The following ETV5 variants were observed in gnomAD, a reference collection of about 807,000 sequenced individuals.
ETV5 encodes ETS variant transcription factor 5.
A neutral mutation model predicts 70.0 loss-of-function variants in ETV5; 10 were observed. That is an observed-to-expected ratio of 0.14 (90% CI 0.09 to 0.24). The LOEUF (loss-of-function observed/expected upper bound fraction) is 0.24, where lower values mean the gene tolerates loss of function less well. ETV5 is among the 10% of genes least tolerant of loss of function. ETV5 has a pLI of 1.00. For missense variants in ETV5, 453 were observed against 651.2 expected (o/e 0.70, Z 3.31); for synonymous variants, 216 against 242.2 (o/e 0.89, Z 1.01).
chr3:186,079,196 G>T, intron 7 of ETV5: 1 of 627,178 alleles, frequency 1.6e-6, no homozygotes. Flanking sequence ...TTTGGAGTGT[G>T]CAGAGAAGGT....
intron 6 of ETV5, 91 bp downstream of exon 6, chr3:186,080,955 G>C: frequency 6.9e-7 from 1 of 1,458,038 alleles, no homozygotes; most frequent in Non-Finnish European, 9.2e-7. Flanking sequence ...GGGTCTGCTG[G>C]GTAAGTAACA....
chr3:186,052,169 T>A lies in ETV5; in HGVS notation c.1210-38A>T, dbSNP rs1193822880. Reference sequence around the variant, plus strand: ...GAAAGTGAAGAGCAATGGAAACGCATTCCCTGGGCCCCATGTTCTCTCCCA... The same window carrying A: ...GAAAGTGAAGAGCAATGGAAACGCAATCCCTGGGCCCCATGTTCTCTCCCA... On this transcript the variant is annotated intron_variant, in intron 11 of 12. Coordinates refer to ENST00000306376, the MANE Select transcript of ETV5 (RefSeq NM_004454.3). This position sits in a 1 kb window ranked among gnomAD's most constrained non-coding sequence, Gnocchi z 4.5. The A allele has an allele frequency of 6.3e-7, 1 of 1,591,396 alleles. No homozygotes were observed. Among genetic ancestry groups the A allele is most frequent in the Non-Finnish European group, 8.6e-7 (1 of 1,160,250 alleles).
chr3:186,065,670 G>T, intron 8 of ETV5, 143 bp downstream of exon 8: 1 of 989,304 alleles, frequency 1.0e-6, no homozygotes, highest in Non-Finnish European at 1.5e-6. Context: ...TAGCTCCTAA[G>T]TTATTTGAGG....
intron 5 of ETV5, chr3:186,095,134 A>C (rs780054174): frequency 6.6e-6 from 1 of 152,180 alleles, no homozygotes; most frequent in Non-Finnish European, 1.5e-5. Context: ...ATAGACAACT[A>C]TTGGTTTTAT....
intron 5 of ETV5, chr3:186,084,187 C>T (rs1379891787): frequency 6.7e-6 from 3 of 447,158 alleles, no homozygotes; most frequent in Non-Finnish European, 1.3e-5. Context: ...AGCTGACTTG[C>T]TAAATGATGA....
intron 7 of ETV5, among the ~76,000 whole-genome samples, chr3:186,071,718 C>T (rs751166897): frequency 6.6e-6 from 1 of 151,722 alleles, no homozygotes; most frequent in South Asian, 2.1e-4. Flanking sequence ...ACTTTGGGAG[C>T]TCGAGGCGGG....
intron 7 of ETV5, among the ~76,000 whole-genome samples, chr3:186,070,202 T>C (rs946682066): frequency 2.0e-5 from 3 of 152,242 alleles, no homozygotes; most frequent in African/African-American, 7.2e-5. Context: ...TTTCTCTCCC[T>C]TTCCCCTCTG....
chr3:186,100,686 CTT>C (rs1714431370), intron 5 of ETV5, among the ~76,000 whole-genome samples: 1 of 152,158 alleles, frequency 6.6e-6, no homozygotes, highest in African/African-American at 2.4e-5. Context: ...GTTCCATTCT[CTT>C]TGAAACACAG....
intron 5 of ETV5, among the ~76,000 whole-genome samples, chr3:186,089,363 A>G (rs1458189057): frequency 2.6e-5 from 4 of 152,262 alleles, no homozygotes; most frequent in Non-Finnish European, 5.9e-5. Flanking sequence ...TATCTCACAC[A>G]GCTAACCTGT....
At position 186,052,598 on chromosome 3, in the gene ETV5, G is replaced by C. The variant is rs535250427; in HGVS notation, c.1210-467C>G. Among the ~76,000 whole-genome samples, 1 of 152,298 alleles carries C rather than the reference G, an allele frequency of 6.6e-6. No homozygotes were observed. Among genetic ancestry groups the C allele is most frequent in the East Asian group, 1.9e-4 (1 of 5,182 alleles). ...AAGTTCAATTCTAATAAGATTGGAG[G>C]GGGGCTGGGAGATGTTTACTTATTG... On this transcript the variant is annotated intron_variant, in intron 11 of 12. Coordinates refer to ENST00000306376, the MANE Select transcript of ETV5 (RefSeq NM_004454.3). The surrounding 1 kb of genome is among the most constrained non-coding windows in gnomAD (Gnocchi z 4.5).
rs181974620 is a variant in ETV5 at position 186,075,479 on chromosome 3, G to A, written c.650+4338C>T. ...AGGAAGAAAAAACAAGAGGAAAAAC[G>A]AGTATATAAAATCTCTTAATTTATC... On this transcript the variant is annotated intron_variant, in intron 7 of 12. Coordinates refer to ENST00000306376, the MANE Select transcript of ETV5 (RefSeq NM_004454.3). Among the ~76,000 whole-genome samples the A allele has an allele frequency of 1.1e-4, 16 of 152,316 alleles. 1 individual carries two copies. In the East Asian group the frequency reaches 3.1e-3, roughly 29 times the overall value.
intron 5 of ETV5, among the ~76,000 whole-genome samples, chr3:186,091,596 G>T (rs370142032): frequency 6.6e-6 from 1 of 152,150 alleles, no homozygotes; most frequent in Admixed American, 6.5e-5. Context: ...CTCCCATGCA[G>T]TGGGAAAAAA....
chr3:186,074,875 A>G (rs1231597007), intron 7 of ETV5, among the ~76,000 whole-genome samples: 1 of 151,502 alleles, frequency 6.6e-6, no homozygotes, highest in African/African-American at 2.4e-5. Flanking sequence ...AAAAAAAAAA[A>G]AAAAAAAGAA....
chr3:186,094,912 T>C (rs1714268221), intron 5 of ETV5, among the ~76,000 whole-genome samples: 1 of 152,140 alleles, frequency 6.6e-6, no homozygotes, highest in Non-Finnish European at 1.5e-5. Flanking sequence ...ACCGCCCCCT[T>C]TCGACTACCA....
chr3:186,101,399 C>T (rs1044390784), intron 5 of ETV5, among the ~76,000 whole-genome samples: 3 of 152,162 alleles, frequency 2.0e-5, no homozygotes, highest in African/African-American at 7.2e-5. Context: ...GAGATCCTCC[C>T]GACTTGGCCT....
rs756876054 is a variant in ETV5 at position 186,066,034 on chromosome 3, G to C, written c.689C>G (p.Pro230Arg). 6 of 1,609,062 alleles carry C rather than the reference G, an allele frequency of 3.7e-6. No homozygotes were observed. The South Asian group carries it at 6.6e-5, about 18-fold the overall frequency. ...RQLSEPCHPFPPQPGVPGDNR... is the reference protein window; with the variant it reads ...RQLSEPCHPFRPQPGVPGDNR... ...ATCTCCAGGAACTCCTGGCTGAGGA[G>C]GGAAGGGGTGGCAGGGTTCAGACAG... The change falls in exon 8 of 13, where the codon CCT becomes CGT. Residue 230 changes from proline to arginine, a missense_variant. By Grantham distance (103) the Pro-to-Arg change is moderately radical (BLOSUM62 -2). Around this residue, in one of 4 missense-constraint regions of ETV5, gnomAD observed 307 missense variants for 344.9 expected, o/e 0.89. Coordinates refer to ENST00000306376, the MANE Select transcript of ETV5 (RefSeq NM_004454.3).
intron 9 of ETV5, among the ~76,000 whole-genome samples, chr3:186,058,034 G>A (rs538623494): frequency 6.6e-6 from 1 of 152,312 alleles, no homozygotes; most frequent in East Asian, 1.9e-4. Context: ...TTCGAAAGCA[G>A]TATTGGGGGT....
intron 7 of ETV5, among the ~76,000 whole-genome samples, chr3:186,072,243 G>A (rs1237529538): frequency 6.6e-6 from 1 of 152,004 alleles, no homozygotes; most frequent in African/African-American, 2.4e-5. Context: ...TTAGCCAGGT[G>A]CAGTGTCGAA....
chr3:186,092,192 T>C (rs1422763575), intron 5 of ETV5, among the ~76,000 whole-genome samples: 2 of 152,224 alleles, frequency 1.3e-5, no homozygotes, highest in Non-Finnish European at 2.9e-5. Context: ...ACTGGAAGAT[T>C]ACTCTAGAAT....
Sources: gnomAD v4.1 joint callset for allele counts (sites outside exome capture counted in the v4.1 genomes callset) on GRCh38, gnomAD v4.1.1 for gene constraint, gnomAD v4.1.1 regional missense constraint, Gnocchi (gnomAD v3.1) non-coding constraint, MANE v1.5 for transcripts, NCBI Gene and HGNC (gene_info 2026-07-23, HGNC 2026-07-21) for gene names.